The following CELF2 variants were observed in gnomAD, a reference collection of about 807,000 sequenced individuals.
The protein encoded by CELF2 is CUG triplet repeat RNA-binding protein 2.
Under a neutral mutation model 62.6 loss-of-function variants are expected in CELF2, and 8 were observed. That is an observed-to-expected ratio of 0.13 (90% CI 0.07 to 0.23). The LOEUF (loss-of-function observed/expected upper bound fraction) is 0.23, where lower values mean the gene tolerates loss of function less well. Ranked by LOEUF, CELF2 falls within the 10% of genes least tolerant of loss-of-function variation. The probability of loss-of-function intolerance (pLI) is 1.00; values close to 1 mark genes in which losing one functional copy is unlikely to be tolerated. For synonymous variants in CELF2, 258 were observed against 250.0 expected (o/e 1.03, Z -0.30); for missense variants, 333 against 671.0 (o/e 0.50, Z 5.56).
the CELF2 span, among the ~76,000 whole-genome samples, chr10:10,570,723 A>G: frequency 6.6e-6 from 1 of 152,162 alleles, no homozygotes; most frequent in Non-Finnish European, 1.5e-5. Flanking sequence ...GATAGTACTG[A>G]GAAATTTACC....
chr10:11,003,104 G>A (rs1005945693), upstream of CELF2, among the ~76,000 whole-genome samples: 1 of 152,144 alleles, frequency 6.6e-6, no homozygotes, highest in Non-Finnish European at 1.5e-5. The surrounding 1 kb of genome is among the most constrained non-coding windows in gnomAD (Gnocchi z 4.4). Flanking sequence ...AGCACATGGT[G>A]GATGTAAAGC....
the CELF2 span, among the ~76,000 whole-genome samples, chr10:10,710,171 C>T: frequency 6.6e-6 from 1 of 152,186 alleles, no homozygotes; most frequent in Non-Finnish European, 1.5e-5. Flanking sequence ...GCTTTAAATA[C>T]CAAACAAAAC....
At chr10:11,232,103 G>A (rs905275325) in intron 3 of CELF2, among the ~76,000 whole-genome samples, 1 of 151,588 alleles carries the variant, frequency 6.6e-6, no homozygotes, top group Non-Finnish European at 1.5e-5. Context: ...TAACTCGTCA[G>A]TTAACATTAG....
Position 11,300,759 on chromosome 10 carries a change from G to A in CELF2, c.976+12207G>A, listed in dbSNP as rs946782865. Among the ~76,000 whole-genome samples, 2 of 152,154 alleles carry A rather than the reference G, an allele frequency of 1.3e-5. No individual in the cohort carries two copies. Among genetic ancestry groups the A allele is most frequent in the East Asian group, 3.8e-4 (2 of 5,202 alleles). On this transcript the variant is annotated intron_variant, in intron 9 of 12. Coordinates refer to ENST00000633077, the MANE Select transcript of CELF2 (RefSeq NM_001326342.2). This position sits in a 1 kb window ranked among gnomAD's most constrained non-coding sequence, Gnocchi z 5.5. ...CAGTTGGAATTCCGCATCCAAGCTC[G>A]TTTGAGGCAAAACGGCGACCGCGGG... is the stretch of plus-strand genomic sequence containing the variant.
intron 5 of CELF2, among the ~76,000 whole-genome samples, chr10:11,258,957 T>G (rs571297851): frequency 6.6e-5 from 10 of 152,382 alleles, no homozygotes; most frequent in African/African-American, 2.4e-4. Context: ...GTGCTGGGAT[T>G]ACAGGCGTGA....
At chr10:11,181,408 G>C (rs1188951003) in intron 2 of CELF2, among the ~76,000 whole-genome samples, 1 of 152,166 alleles carries the variant, frequency 6.6e-6, no homozygotes, top group Non-Finnish European at 1.5e-5. Flanking sequence ...TAACCAATAG[G>C]TGCTTAATGT....
At chr10:11,230,980 A>G (rs1377935263) in intron 3 of CELF2, among the ~76,000 whole-genome samples, 2 of 152,228 alleles carry the variant, frequency 1.3e-5, no homozygotes, top group Admixed American at 1.3e-4. Context: ...GTCTCTTGCT[A>G]TCCGCAGCTT....
the CELF2 span, among the ~76,000 whole-genome samples, chr10:10,617,174 G>C: frequency 6.6e-6 from 1 of 152,162 alleles, no homozygotes; most frequent in Admixed American, 6.5e-5. Flanking sequence ...AGTTGTAACA[G>C]AATGGAATGA....
At chr10:10,516,155 G>C in the CELF2 span, among the ~76,000 whole-genome samples, 1 of 152,108 alleles carries the variant, frequency 6.6e-6, no homozygotes, top group Admixed American at 6.6e-5. Context: ...AAAAACCCTA[G>C]TCCTAACTTT....
the CELF2 span, among the ~76,000 whole-genome samples, chr10:10,774,538 T>C: frequency 6.6e-6 from 1 of 152,170 alleles, no homozygotes; most frequent in Admixed American, 6.5e-5. Context: ...TGTGGCACCT[T>C]CCCTGCCCCC....
chr10:10,526,396 G>A, the CELF2 span, among the ~76,000 whole-genome samples: 2 of 152,182 alleles, frequency 1.3e-5, no homozygotes, highest in Non-Finnish European at 1.5e-5. Context: ...AAGAGTGGGA[G>A]GGACTGGCTT....
chr10:11,306,771 T>C lies in CELF2; in HGVS notation c.977-7368T>C, dbSNP rs2094244780. 6.6e-6 allele frequency among the ~76,000 whole-genome samples: 1 copy of C among 152,122 alleles called. No individual in the cohort carries two copies. The highest frequency in any genetic ancestry group is 2.4e-5 in the African/African-American group (1 of 41,398). On this transcript the variant is annotated intron_variant, in intron 9 of 12. Coordinates refer to ENST00000633077, the MANE Select transcript of CELF2 (RefSeq NM_001326342.2). This position sits in a 1 kb window ranked among gnomAD's most constrained non-coding sequence, Gnocchi z 4.4. ...CCTTTTCTTCACCGTCTCCCCAACT[T>C]TCTACTGGGACCGTCTAAGAACAGC...
At chr10:10,978,895 A>G (rs1444167887) in intron 2 of CELF2, among the ~76,000 whole-genome samples, 1 of 152,246 alleles carries the variant, frequency 6.6e-6, no homozygotes, top group Non-Finnish European at 1.5e-5. Flanking sequence ...AGCATATCCC[A>G]TGCCTTTTTG....
At position 11,306,980 on chromosome 10, in the gene CELF2, A is replaced by G. The variant is rs1273239434; in HGVS notation, c.977-7159A>G. On this transcript the variant is annotated intron_variant, in intron 9 of 12. Coordinates refer to ENST00000633077, the MANE Select transcript of CELF2 (RefSeq NM_001326342.2). The surrounding 1 kb of genome is among the most constrained non-coding windows in gnomAD (Gnocchi z 4.4). ...ATGGCCCCCTGAGCTAGGCTGCCCC[A>G]TGCTCATAGGCTGTGCGTGTATCTG... Among the ~76,000 whole-genome samples, 1 of 152,180 alleles carries G rather than the reference A, an allele frequency of 6.6e-6. No individual in the cohort carries two copies. The highest frequency in any genetic ancestry group is 2.4e-5 in the African/African-American group (1 of 41,438).
At chr10:10,707,584 A>T in the CELF2 span, among the ~76,000 whole-genome samples, 1 of 152,142 alleles carries the variant, frequency 6.6e-6, no homozygotes, top group Admixed American at 6.6e-5. Context: ...TCCCCATCAG[A>T]GGTGGTCAGC....
intron 5 of CELF2, among the ~76,000 whole-genome samples, chr10:11,264,376 C>T (rs2138255375): frequency 6.6e-6 from 1 of 152,228 alleles, no homozygotes; most frequent in African/African-American, 2.4e-5. Flanking sequence ...CGCATTTTTA[C>T]CCTCCATTTG....
At chr10:10,924,560 C>T (rs1034904299) in intron 2 of CELF2, among the ~76,000 whole-genome samples, 3 of 152,014 alleles carry the variant, frequency 2.0e-5, no homozygotes, top group Admixed American at 6.6e-5. Context: ...TTGAGGACCA[C>T]GAAGTATTCG....
intron 1 of CELF2, among the ~76,000 whole-genome samples, chr10:10,849,021 T>A (rs1480827652): frequency 3.9e-5 from 6 of 152,192 alleles, no homozygotes. Flanking sequence ...AATTGCAAGC[T>A]TCTTAATTAC....
chr10:10,776,592 G>A, the CELF2 span: 5 of 161,796 alleles, frequency 3.1e-5, no homozygotes, highest in Admixed American at 2.5e-4. Flanking sequence ...GCGTGTGTCA[G>A]CCACAGACCC....
Sources: gnomAD v4.1 joint callset for allele counts (sites outside exome capture counted in the v4.1 genomes callset) on GRCh38, gnomAD v4.1.1 for gene constraint, Gnocchi (gnomAD v3.1) non-coding constraint, MANE v1.5 for transcripts, NCBI Gene and HGNC (gene_info 2026-07-23, HGNC 2026-07-21) for gene names.